RMDN3: variants seen among roughly 807,000 people sequenced by gnomAD.
The protein encoded by RMDN3 is regulator of microtubule dynamics 3, also known as regulator of microtubule dynamics protein 3.
In RMDN3, 41 loss-of-function variants were observed where a neutral mutation model predicts 61.8. The ratio of observed to expected loss-of-function variants is 0.66; its 90% CI spans 0.52 to 0.86. The LOEUF is 0.86. Among genes scored for constraint, RMDN3 ranks in the 40% least tolerant of loss-of-function variants. The pLI is 0.00. For missense variants in RMDN3, 557 were observed against 585.3 expected, an observed-to-expected ratio of 0.95 and a Z score of 0.50; for synonymous variants, 247 against 232.0, an observed-to-expected ratio of 1.06 and a Z score of -0.59.
At chr15:40,737,852 A>G in intron 9 of RMDN3, 113 bp downstream of exon 9, 1 of 1,457,832 alleles carries the variant, frequency 6.9e-7, no homozygotes, top group Non-Finnish European at 9.6e-7. Flanking sequence ...ACGAGCATTC[A>G]GAAGAAAGGG....
intron 6 of RMDN3, among the ~76,000 whole-genome samples, chr15:40,741,620 A>ATTGTTTTTTTTTTTTTT (rs1897282916): frequency 1.4e-5 from 1 of 71,724 alleles, no homozygotes; most frequent in Non-Finnish European, 2.5e-5. Flanking sequence ...GCAACATAGG[A>ATTGTTTTTTTTTTTTTT]TTTTTTTTTT....
At position 40,736,383 on chromosome 15, in the gene RMDN3, A is replaced by T; in HGVS notation, c.*158T>A. On this transcript the variant is annotated 3_prime_UTR_variant, in exon 13 of 13. Transcript: ENST00000338376. ...CCAATTCTAGATTAGGTTAGAGGTTAGAATAAATTAACTAATGGGGAGTGG... is the reference window on the plus strand; with the variant it reads ...CCAATTCTAGATTAGGTTAGAGGTTTGAATAAATTAACTAATGGGGAGTGG... The T allele has an allele frequency of 1.6e-6, 1 of 644,514 alleles. No homozygotes were observed. Among genetic ancestry groups the T allele is most frequent in the Non-Finnish European group, 2.8e-6 (1 of 362,622 alleles). 39.9% of individuals were successfully genotyped at this position (644,514 alleles called of 1,614,324 possible).
chr15:40,744,150 C>T lies in RMDN3; in HGVS notation c.808-1G>A. 4 of 1,613,262 alleles carry T rather than the reference C, an allele frequency of 2.5e-6. No homozygotes were observed. The highest frequency in any genetic ancestry group is 3.4e-6 in the Non-Finnish European group (4 of 1,180,008). ...AGAGAAAGTCCTGCCGGCTTCCATA[C>T]TGCAGACCAGACAGAAACGGGTGAG... On this transcript the variant is annotated splice_acceptor_variant, in intron 5 of 12. Transcript: ENST00000338376. LOFTEE classifies it high-confidence loss of function.
At chr15:40,748,265 CAGAGTTTG>C (rs1010102226) in intron 4 of RMDN3, among the ~76,000 whole-genome samples, 4 of 152,220 alleles carry the variant, frequency 2.6e-5, no homozygotes, top group Non-Finnish European at 5.9e-5. Context: ...AAAGCCATTT[CAGAGTTTG>C]TAGACTCCTA....
intron 2 of RMDN3, among the ~76,000 whole-genome samples, chr15:40,752,501 A>C (rs574743811): frequency 2.7e-4 from 41 of 152,080 alleles, no homozygotes; most frequent in African/African-American, 9.2e-4. Context: ...AAAAAAACAA[A>C]AACCTTCACC....
Position 40,738,005 on chromosome 15 carries a change from T to A in RMDN3, c.1085A>T (p.Asn362Ile), listed in dbSNP as rs1474240666. ...GCCAAGAAGAAAGTGAGCCATGGGGTTTTCTGGCTGGAGAGCAATGGCTTT... is the reference window on the plus strand; with the variant it reads ...GCCAAGAAGAAAGTGAGCCATGGGGATTTCTGGCTGGAGAGCAATGGCTTT... ...VDKAIALQPENPMAHFLLGRW... is the reference protein window; with the variant it reads ...VDKAIALQPEIPMAHFLLGRW... Residue 362 changes from asparagine (N) to isoleucine (I), a missense_variant, in exon 9 of 13, where the codon AAC (asparagine) becomes ATC (isoleucine). Asn to Ile is a moderately radical substitution (Grantham distance 149). Transcript: ENST00000338376. 1.2e-6 allele frequency: 2 copies of A among 1,613,558 alleles called. No homozygotes were observed. The highest frequency in any genetic ancestry group is 1.7e-6 in the Non-Finnish European group (2 of 1,179,958).
chr15:40,740,210 G>T lies in RMDN3; in HGVS notation c.911-17C>A, dbSNP rs922786316. 1.9e-5 allele frequency: 30 copies of T among 1,589,216 alleles called. No individual in the cohort carries two copies. The highest frequency in any genetic ancestry group is 2.4e-5 in the Non-Finnish European group (28 of 1,159,008). On this transcript the variant is annotated splice_polypyrimidine_tract_variant and intron_variant, in intron 6 of 12. Coordinates refer to ENST00000338376, the MANE Select transcript of RMDN3 (RefSeq NM_018145.3). ...CTTCTTTTCCTGTAGGACGAAGGTA[G>T]ATCCAGAGTTGACATAGCTCTTATG... is the stretch of plus-strand genomic sequence containing the variant.
In RMDN3 at chr15:40,745,350, C is replaced by T. The variant is rs910097337; in HGVS notation, c.525-91G>A. 15 of 1,264,918 alleles carry T rather than the reference C, an allele frequency of 1.2e-5. No individual in the cohort carries two copies. The African/African-American group carries it at 1.6e-4, about 14-fold the overall frequency. 78.4% of individuals were successfully genotyped at this position (1,264,918 alleles called of 1,614,324 possible). On this transcript the variant is annotated intron_variant, in intron 4 of 12. Transcript: ENST00000338376. ...CCCTCACCCCCAAAGAAGCACTCTA[C>T]ATGGCATTGTCCAAAGCACCAAATC...
chr15:40,748,129 C>T (rs1334860760), intron 4 of RMDN3, among the ~76,000 whole-genome samples: 1 of 152,222 alleles, frequency 6.6e-6, no homozygotes, highest in Non-Finnish European at 1.5e-5. Context: ...CCTCAATCTC[C>T]TGAGACCTCA....
At position 40,749,421 on chromosome 15, in the gene RMDN3, G is replaced by A. The variant is rs549739281; in HGVS notation, c.524+2005C>T. 1.7e-4 allele frequency among the ~76,000 whole-genome samples: 26 copies of A among 152,350 alleles called. 2 individuals are homozygous for A. Among genetic ancestry groups the A allele is most frequent in the African/African-American group, 6.3e-4 (26 of 41,584 alleles). ...AGTCCCAGCTATTCAGAAGGCTGAG[G>A]CAGGAGCACCACTTGAGCCCAAGAG... On this transcript the variant is annotated intron_variant, in intron 4 of 12. Transcript: ENST00000338376.
intron 2 of RMDN3, among the ~76,000 whole-genome samples, chr15:40,753,659 C>G (rs1897919807): frequency 6.6e-6 from 1 of 152,222 alleles, no homozygotes; most frequent in African/African-American, 2.4e-5. Context: ...GCTGTACAGG[C>G]TGCCAGCCAC....
In RMDN3 at chr15:40,738,569, C is replaced by T; in HGVS notation, c.979G>A (p.Val327Met). The stretch of plus-strand genomic sequence containing the variant: ...TGCTCAGCCAGCTGACCACAAAGCA[C>T]CGCATACCTAGGGGGGAAGCAGCAA... ...ESADCHLWYA[V>M]LCGQLAEHES... The change falls in exon 8 of 13, where the codon GTG becomes ATG. Residue 327 changes from valine to methionine, a missense_variant. By Grantham distance (21) the Val-to-Met change is conservative. Transcript: ENST00000338376. 6.2e-7 allele frequency: 1 copy of T among 1,614,058 alleles called. No homozygotes were observed. The highest frequency in any genetic ancestry group is 8.5e-7 in the Non-Finnish European group (1 of 1,179,996).
intron 1 of RMDN3, 98 bp from the exon 2 acceptor site, chr15:40,754,888 G>A (rs540234100): frequency 9.7e-7 from 1 of 1,027,966 alleles, no homozygotes; most frequent in African/African-American, 1.6e-5. Flanking sequence ...CACCCTCAAG[G>A]CTGAACCCCG....
intron 4 of RMDN3, among the ~76,000 whole-genome samples, chr15:40,749,965 C>T (rs1373870811): frequency 6.6e-6 from 1 of 152,172 alleles, no homozygotes; most frequent in Non-Finnish European, 1.5e-5. Flanking sequence ...TCATCAAATC[C>T]AGCGTTGGTG....
intron 3 of RMDN3, 160 bp from the exon 4 acceptor site, chr15:40,751,729 C>T: frequency 3.6e-6 from 4 of 1,099,636 alleles, no homozygotes; most frequent in Non-Finnish European, 5.4e-6. Flanking sequence ...GGGCAGCTTC[C>T]TGGGCCCAGC....
intron 7 of RMDN3, 132 bp downstream of exon 7, chr15:40,740,001 G>A: frequency 1.5e-6 from 1 of 684,688 alleles, no homozygotes; most frequent in Non-Finnish European, 2.6e-6. Flanking sequence ...GAGGCATGTG[G>A]AGATACAAGC....
chr15:40,744,508 G>T (rs75299430), intron 5 of RMDN3, among the ~76,000 whole-genome samples: 4 of 151,656 alleles, frequency 2.6e-5, no homozygotes, highest in African/African-American at 4.9e-5. Context: ...TCTGGGGGGG[G>T]GGCATTTATA....
chr15:40,751,911 G>T, intron 3 of RMDN3, 75 bp downstream of exon 3: 1 of 1,472,112 alleles, frequency 6.8e-7, no homozygotes, highest in Non-Finnish European at 9.3e-7. Context: ...GAGACAGACA[G>T]CGAAGGCCAG....
Position 40,736,449 on chromosome 15 carries a change from T to C in RMDN3, c.*92A>G, listed in dbSNP as rs1897047133. On this transcript the variant is annotated 3_prime_UTR_variant, in exon 13 of 13. Transcript: ENST00000338376. ...AGACCCAGGAGACAGATTTGTGTGG[T>C]TTCCTGATCTCAGCAAGGTCTAAGG... 1.8e-6 allele frequency: 2 copies of C among 1,141,932 alleles called. No individual in the cohort carries two copies. The highest frequency in any genetic ancestry group is 2.6e-6 in the Non-Finnish European group (2 of 763,396). The allele number at this position is 1,141,932 out of a possible 1,614,324, so 70.7% of individuals were successfully genotyped here. A position where few individuals can be genotyped will look rare whatever the true frequency, so the allele number is the denominator to read the frequency against.
Sources: allele counts gnomAD v4.1 joint callset (sites outside exome capture counted in the v4.1 genomes callset), GRCh38; gene constraint gnomAD v4.1.1; transcripts MANE v1.5; gene names NCBI Gene and HGNC (gene_info 2026-07-23, HGNC 2026-07-21).